The following CDH13 variants were observed in gnomAD, a reference collection of about 807,000 sequenced individuals.
The protein encoded by CDH13 is cadherin-13.
In CDH13, 24 loss-of-function variants were observed where a neutral mutation model predicts 63.8. The ratio of observed to expected loss-of-function variants is 0.38; its 90% confidence interval spans 0.27 to 0.53. CDH13 has a LOEUF of 0.53. CDH13 is among the 20% of genes least tolerant of loss of function. The pLI is 0.85. For missense variants in CDH13, 1,049 were observed against 903.1 expected (o/e 1.16, Z -2.07); for synonymous variants, 503 against 355.3 (o/e 1.42, Z -4.67).
intron 7 of CDH13, among the ~76,000 whole-genome samples, chr16:83,523,202 G>C (rs981004908): frequency 1.3e-5 from 2 of 152,116 alleles, no homozygotes; most frequent in Admixed American, 1.3e-4. Context: ...ATGAGTGCAG[G>C]ATCCATGTCT....
intron 4 of CDH13, among the ~76,000 whole-genome samples, chr16:83,169,240 G>A (rs547126223): frequency 2.0e-5 from 3 of 151,900 alleles, no homozygotes; most frequent in Non-Finnish European, 4.4e-5. Flanking sequence ...GCAGTGGCGG[G>A]ATCTTGGCTC....
chr16:83,499,569 A>T (rs1212369692), intron 7 of CDH13, among the ~76,000 whole-genome samples: 1 of 152,240 alleles, frequency 6.6e-6, no homozygotes, highest in Non-Finnish European at 1.5e-5. Context: ...CTCCCTGAGA[A>T]TTCCCTTATC....
At chr16:82,960,014 A>G (rs1003214929) in intron 2 of CDH13, among the ~76,000 whole-genome samples, 1 of 152,180 alleles carries the variant, frequency 6.6e-6, no homozygotes, top group Admixed American at 6.5e-5. Context: ...CGGCTATACC[A>G]TTTTACATTC....
At chr16:83,665,854 A>C (rs1390729760) in intron 8 of CDH13, among the ~76,000 whole-genome samples, 1 of 152,162 alleles carries the variant, frequency 6.6e-6, no homozygotes, top group East Asian at 1.9e-4. Flanking sequence ...AAGAACATGC[A>C]TTCTTGGTGT....
chr16:83,453,843 G>T (rs762546504), intron 6 of CDH13, among the ~76,000 whole-genome samples: 11 of 152,174 alleles, frequency 7.2e-5, no homozygotes, highest in Non-Finnish European at 1.5e-4. Context: ...CTGTTCAGGG[G>T]ACCATATGTG....
intron 11 of CDH13, among the ~76,000 whole-genome samples, chr16:83,779,226 G>A (rs76149116): frequency 0.04 from 6,135 of 151,634 alleles, 171 homozygotes; most frequent in Middle Eastern, 0.062. Context: ...CCAACATAGC[G>A]AAACCCCATC....
At chr16:83,704,490 C>G (rs1035364638) in intron 10 of CDH13, among the ~76,000 whole-genome samples, 7 of 152,102 alleles carry the variant, frequency 4.6e-5, no homozygotes, top group Non-Finnish European at 8.8e-5. Flanking sequence ...GTGGATTTAA[C>G]CAAATCTGTA....
rs150753691 is a variant in CDH13, at chr16:83,331,800, C to T, written c.637-13062C>T. ...TATTTTTACATTCTCTAAAGTGTGT[C>T]TGCAATGCAGTGTTGTACTTTCTGC... On this transcript the variant is annotated intron_variant, in intron 5 of 13. Transcript: ENST00000567109. Among the ~76,000 whole-genome samples the T allele has an allele frequency of 1.4e-3, 219 of 152,258 alleles. 1 individual carries two copies. The highest frequency in any genetic ancestry group is 4.7e-3 in the African/African-American group (194 of 41,564).
chr16:83,041,639 T>C (rs1284966628), intron 3 of CDH13, among the ~76,000 whole-genome samples: 1 of 152,158 alleles, frequency 6.6e-6, no homozygotes, highest in African/African-American at 2.4e-5. Flanking sequence ...GCCCCCTGTT[T>C]CTACACACAT....
At chr16:82,968,597 A>G (rs1908218804) in intron 2 of CDH13, among the ~76,000 whole-genome samples, 2 of 152,048 alleles carry the variant, frequency 1.3e-5, no homozygotes, top group African/African-American at 4.8e-5. Flanking sequence ...TCCCTCCACT[A>G]TCCTGAAAAC....
intron 2 of CDH13, among the ~76,000 whole-genome samples, chr16:82,941,234 C>T (rs907408809): frequency 4.6e-5 from 7 of 152,112 alleles, no homozygotes; most frequent in African/African-American, 7.2e-5. Context: ...ATAGTTTGCT[C>T]TCAAAGAATT....
intron 2 of CDH13, among the ~76,000 whole-genome samples, chr16:83,012,372 C>A (rs1272934896): frequency 1.3e-5 from 1 of 79,546 alleles, no homozygotes; most frequent in East Asian, 3.6e-4. Context: ...GCTTTGCTTT[C>A]TTCTAATGAA....
intron 1 of CDH13, among the ~76,000 whole-genome samples, chr16:82,845,407 T>C (rs551917244): frequency 6.6e-6 from 1 of 152,196 alleles, no homozygotes; most frequent in South Asian, 2.1e-4. Context: ...GCAAAGAGAC[T>C]GAGGGCACTC....
At chr16:83,017,503 A>T (rs1028462675) in intron 2 of CDH13, among the ~76,000 whole-genome samples, 1 of 152,246 alleles carries the variant, frequency 6.6e-6, no homozygotes, top group Non-Finnish European at 1.5e-5. Context: ...TTTCCTACTT[A>T]CAGATGTGTG....
intron 1 of CDH13, among the ~76,000 whole-genome samples, chr16:82,836,183 TTGGCGCCCAGGCTGGAGTGCAG>T (rs2038759633): frequency 6.6e-6 from 1 of 152,090 alleles, no homozygotes; most frequent in Non-Finnish European, 1.5e-5. Context: ...CTGGAGTGCA[TTGGCGCCCAGGCTGGAGTGCAG>T]TGGCGCGATC....
intron 6 of CDH13, among the ~76,000 whole-genome samples, chr16:83,476,630 G>A (rs982120856): frequency 4.6e-5 from 7 of 152,082 alleles, no homozygotes; most frequent in East Asian, 1.9e-4. Flanking sequence ...CCCAGATTAC[G>A]CCACTGCACT....
intron 6 of CDH13, among the ~76,000 whole-genome samples, chr16:83,401,483 G>T (rs1248664939): frequency 1.3e-5 from 2 of 152,106 alleles, no homozygotes; most frequent in African/African-American, 4.8e-5. Flanking sequence ...CTGCACTCCA[G>T]CCTGGGTAAC....
At chr16:82,916,380 C>A (rs931274338) in intron 2 of CDH13, among the ~76,000 whole-genome samples, 9 of 152,066 alleles carry the variant, frequency 5.9e-5, no homozygotes, top group Admixed American at 5.2e-4. Flanking sequence ...TGGAGACCAG[C>A]CTGGCCAACA....
chr16:82,638,183 G>T (rs922857932), intron 1 of CDH13, among the ~76,000 whole-genome samples: 8 of 152,080 alleles, frequency 5.3e-5, no homozygotes, highest in Admixed American at 6.6e-5. Context: ...CTGCAAACCT[G>T]GGAACCCAGA....
Sources: allele counts gnomAD v4.1 joint callset (sites outside exome capture counted in the v4.1 genomes callset), GRCh38; gene constraint gnomAD v4.1.1; transcripts MANE v1.5; gene names NCBI Gene and HGNC (gene_info 2026-07-23, HGNC 2026-07-21).